Variants in PCDHA4 observed in about 807,000 individuals in gnomAD.
The protein encoded by PCDHA4 is protocadherin alpha 4.
Under a neutral mutation model 61.4 loss-of-function variants are expected in PCDHA4, and 49 were observed. The observed-to-expected ratio is 0.80, with a 90% CI of 0.63 to 1.01. The LOEUF is 1.01. PCDHA4 is among the 50% of genes least tolerant of loss of function. PCDHA4 has a pLI of 0.00. For synonymous variants in PCDHA4, 590 were observed against 550.3 expected (o/e 1.07, Z -1.01); for missense variants, 1,254 against 1,235.8 (o/e 1.01, Z -0.22).
At chr5:140,842,503 C>T (rs2150337582) in intron 1 of PCDHA4, 40 of 1,613,818 alleles carry the variant, frequency 2.5e-5, no homozygotes, top group South Asian at 2.0e-4. Context: ...CCCATGTCCC[C>T]TTCAAGCTGG....
chr5:140,910,346 G>C (rs2074987326), intron 1 of PCDHA4, among the ~76,000 whole-genome samples: 1 of 152,152 alleles, frequency 6.6e-6, no homozygotes, highest in Admixed American at 6.5e-5. Flanking sequence ...CTTTGCCTCT[G>C]CTGTCCATTA....
At chr5:140,876,044 T>G in intron 1 of PCDHA4, 2 of 1,613,884 alleles carry the variant, frequency 1.2e-6, no homozygotes, top group Non-Finnish European at 1.7e-6. Context: ...AAAAGTATAT[T>G]GCCTGAATTA....
chr5:140,976,383 T>G (rs963492291), intron 1 of PCDHA4, among the ~76,000 whole-genome samples: 4 of 152,058 alleles, frequency 2.6e-5, no homozygotes, highest in African/African-American at 9.7e-5. Context: ...AAACCCCATC[T>G]CTACTAAAAA....
chr5:140,964,949 G>A (rs1322269042), intron 1 of PCDHA4, among the ~76,000 whole-genome samples: 1 of 152,226 alleles, frequency 6.6e-6, no homozygotes, highest in Non-Finnish European at 1.5e-5. Flanking sequence ...TAGTGAGTGT[G>A]CTTGGTTGGT....
intron 1 of PCDHA4, among the ~76,000 whole-genome samples, chr5:140,846,106 A>G (rs1477023892): frequency 7.3e-5 from 11 of 149,704 alleles, no homozygotes; most frequent in African/African-American, 2.7e-4. Flanking sequence ...GAATGTGTAG[A>G]CTATCTTACT....
intron 1 of PCDHA4, among the ~76,000 whole-genome samples, chr5:140,885,298 G>C (rs1328478663): frequency 6.6e-6 from 1 of 152,040 alleles, no homozygotes; most frequent in East Asian, 1.9e-4. Flanking sequence ...AGAGAGACCT[G>C]GTAGGCTTTT....
At chr5:140,856,553 T>TAC (rs1455018619) in intron 1 of PCDHA4, 2 of 1,598,066 alleles carry the variant, frequency 1.3e-6, no homozygotes, top group African/African-American at 2.7e-5. Flanking sequence ...ATTGCTTACT[T>TAC]ACAAACTCAG....
chr5:140,858,664 A>C lies in PCDHA4; in HGVS notation c.2385+49092A>C, dbSNP rs972477672. ...TGGTACTTAAATTTTTTTAAATAAC[A>C]ATTTATTCTGAATACACTAATATTT... On this transcript the variant is annotated intron_variant, in intron 1 of 3. Transcript: ENST00000530339. 30 of 728,612 alleles carry C rather than the reference A, an allele frequency of 4.1e-5. No homozygotes were observed. In the African/African-American group the frequency reaches 4.8e-4, roughly 12 times the overall value. 45.1% of individuals were successfully genotyped at this position (728,612 alleles called of 1,614,324 possible).
At position 140,809,038 on chromosome 5, in the gene PCDHA4, C is replaced by T. The variant is rs370669259; in HGVS notation, c.1851C>T (p.Gly617=). The T allele has an allele frequency of 1.2e-6, 2 of 1,613,816 alleles. No individual in the cohort carries two copies. The highest frequency in any genetic ancestry group is 2.2e-5 in the South Asian group (2 of 91,078). ...ACGAGCTGCAGCCGGGGACTGGTGG[C>T]GCGCGCATCCCGTTCCGCGTGGGGC... ...LSYELQPGTG[G]ARIPFRVGLY... Residue 617 remains glycine (G), a synonymous_variant, in exon 1 of 4, where the codon GGC becomes GGT. Transcript: ENST00000530339.
In PCDHA4 at chr5:140,842,705, G is replaced by C. The variant is rs2150342552; in HGVS notation, c.2385+33133G>C. 4 of 1,595,328 alleles carry C rather than the reference G, an allele frequency of 2.5e-6. No homozygotes were observed. The African/African-American group carries it at 4.0e-5, about 16-fold the overall frequency. On this transcript the variant is annotated intron_variant, in intron 1 of 3. Coordinates refer to ENST00000530339, the MANE Select transcript of PCDHA4 (RefSeq NM_018907.4). ...GGCGTTCGCGCAGCCCGAGTACACG[G>C]TGTTCGTGAAGGAGAACAACCCGCC... is the stretch of plus-strand genomic sequence containing the variant.
intron 3 of PCDHA4, among the ~76,000 whole-genome samples, chr5:140,997,683 T>C (rs782444752): frequency 6.6e-6 from 1 of 152,044 alleles, no homozygotes; most frequent in Non-Finnish European, 1.5e-5. Context: ...TGTGTGTGTG[T>C]GTGTGTGTGT....
intron 1 of PCDHA4, among the ~76,000 whole-genome samples, chr5:140,896,566 G>A (rs1562891221): frequency 6.7e-6 from 1 of 150,252 alleles, no homozygotes; most frequent in Non-Finnish European, 1.5e-5. Context: ...AAGTAGAGAT[G>A]GGGTTTTGAC....
chr5:140,963,526 T>G (rs1359195018), intron 1 of PCDHA4, among the ~76,000 whole-genome samples: 3 of 152,204 alleles, frequency 2.0e-5, no homozygotes, highest in Non-Finnish European at 4.4e-5. Flanking sequence ...ATAACAGAAG[T>G]CCCATTTACT....
Position 141,010,254 on chromosome 5 carries a change from C to T in PCDHA4, c.*317C>T. Reference sequence around the variant, plus strand: ...GCCAGTGAGAGGTTGGACTCTCTGCCCTGTGCTCCGGGGATCCTGTCTTGA... The same window carrying T: ...GCCAGTGAGAGGTTGGACTCTCTGCTCTGTGCTCCGGGGATCCTGTCTTGA... On this transcript the variant is annotated 3_prime_UTR_variant, in exon 4 of 4. Transcript: ENST00000530339. The T allele has an allele frequency of 6.4e-7, 1 of 1,551,810 alleles. No individual in the cohort carries two copies. Among genetic ancestry groups the T allele is most frequent in the Non-Finnish European group, 8.7e-7 (1 of 1,147,018 alleles).
intron 1 of PCDHA4, chr5:140,863,957 G>A (rs2048253350): frequency 6.4e-6 from 1 of 157,074 alleles, no homozygotes; most frequent in Non-Finnish European, 1.4e-5. Flanking sequence ...GCCTAGATTA[G>A]GCCACTGCAC....
chr5:140,821,686 A>G (rs1460155529), intron 1 of PCDHA4: 3 of 1,371,046 alleles, frequency 2.2e-6, no homozygotes, highest in African/African-American at 2.9e-5. Flanking sequence ...AGGCGATAAT[A>G]TAAAAAATAT....
chr5:140,816,941 G>T (rs2126676458), intron 1 of PCDHA4: 1 of 152,186 alleles, frequency 6.6e-6, no homozygotes, highest in East Asian at 1.9e-4. Context: ...TCAGTGCCTG[G>T]AGTCAAGTGA....
intron 3 of PCDHA4, among the ~76,000 whole-genome samples, chr5:141,008,840 T>C (rs2098392722): frequency 6.6e-6 from 1 of 152,188 alleles, no homozygotes; most frequent in African/African-American, 2.4e-5. Context: ...CCTCTTACGC[T>C]GTGTATTCCC....
chr5:140,892,733 C>G lies in PCDHA4; in HGVS notation c.2385+83161C>G, dbSNP rs183181952. Reference sequence around the variant, plus strand: ...CATATTCATAATCTCAAACATTTACCATTTTTGCATGGTGAACATTTAAAA... The same window carrying G: ...CATATTCATAATCTCAAACATTTACGATTTTTGCATGGTGAACATTTAAAA... On this transcript the variant is annotated intron_variant, in intron 1 of 3. Coordinates refer to ENST00000530339, the MANE Select transcript of PCDHA4 (RefSeq NM_018907.4). Among the ~76,000 whole-genome samples the G allele has an allele frequency of 8.1e-4, 123 of 152,172 alleles. No individual in the cohort carries two copies. In the Middle Eastern group the frequency reaches 0.02, roughly 25 times the overall value.
Sources: gnomAD v4.1 joint callset for allele counts (sites outside exome capture counted in the v4.1 genomes callset) on GRCh38, gnomAD v4.1.1 for gene constraint, MANE v1.5 for transcripts, NCBI Gene and HGNC (gene_info 2026-07-23, HGNC 2026-07-21) for gene names.